Variants in CNTNAP2 observed in about 807,000 individuals in gnomAD.
CNTNAP2 encodes contactin-associated protein-like 2.
In CNTNAP2, 98 loss-of-function variants were observed where a neutral mutation model predicts 155.2. That is an observed-to-expected ratio of 0.63 (90% CI 0.54 to 0.75). The LOEUF (loss-of-function observed/expected upper bound fraction) is 0.75, where lower values mean the gene tolerates loss of function less well. Ranked by LOEUF, CNTNAP2 falls within the 30% of genes least tolerant of loss-of-function variation. CNTNAP2 has a pLI of 0.00. For synonymous variants in CNTNAP2, 651 were observed against 631.2 expected (o/e 1.03, Z -0.47); for missense variants, 1,727 against 1,688.1 (o/e 1.02, Z -0.40).
At chr7:148,298,241 A>G (rs1182143800) in intron 21 of CNTNAP2, among the ~76,000 whole-genome samples, 1 of 152,076 alleles carries the variant, frequency 6.6e-6, no homozygotes, top group East Asian at 1.9e-4. Flanking sequence ...TGGGGAGGAG[A>G]GTAGAAGCTA....
At chr7:147,955,830 A>T (rs543167269) in intron 14 of CNTNAP2, among the ~76,000 whole-genome samples, 1 of 152,328 alleles carries the variant, frequency 6.6e-6, no homozygotes, top group East Asian at 1.9e-4. Context: ...AGAACAAAAC[A>T]AGAATGCATG....
At chr7:146,826,023 C>T (rs568841508) in intron 2 of CNTNAP2, among the ~76,000 whole-genome samples, 17 of 151,988 alleles carry the variant, frequency 1.1e-4, no homozygotes, top group African/African-American at 3.9e-4. Flanking sequence ...TTCTTTTTTG[C>T]TATTCTGCAT....
chr7:148,081,454 G>A (rs917110588), intron 15 of CNTNAP2, among the ~76,000 whole-genome samples: 4 of 151,868 alleles, frequency 2.6e-5, no homozygotes, highest in Admixed American at 6.6e-5. Flanking sequence ...TATAAAGCAG[G>A]CAGAAAAACC....
intron 15 of CNTNAP2, among the ~76,000 whole-genome samples, chr7:148,099,895 C>T (rs1283379012): frequency 3.0e-5 from 3 of 99,818 alleles, no homozygotes; most frequent in Middle Eastern, 0.01. Flanking sequence ...TTTTTTGAGA[C>T]GGAGTCTCAC....
chr7:146,557,397 A>G (rs957581637), intron 1 of CNTNAP2, among the ~76,000 whole-genome samples: 10 of 152,104 alleles, frequency 6.6e-5, no homozygotes, highest in Admixed American at 4.6e-4. Context: ...GGAAGGAAAC[A>G]TAGCAGGTGA....
chr7:146,863,405 T>C (rs938622143), intron 3 of CNTNAP2, among the ~76,000 whole-genome samples: 1 of 152,144 alleles, frequency 6.6e-6, no homozygotes, highest in Non-Finnish European at 1.5e-5. Flanking sequence ...CTGATAATTA[T>C]CCAAGATAAG....
At chr7:148,224,533 C>A (rs565190454) in intron 19 of CNTNAP2, among the ~76,000 whole-genome samples, 1 of 152,020 alleles carries the variant, frequency 6.6e-6, no homozygotes. Flanking sequence ...GCATTGCAAC[C>A]GCTATTTGGA....
intron 2 of CNTNAP2, among the ~76,000 whole-genome samples, chr7:146,813,648 A>C (rs554533738): frequency 6.6e-6 from 1 of 152,292 alleles, no homozygotes; most frequent in African/African-American, 2.4e-5. Flanking sequence ...TAATGCTGGA[A>C]TGAGTTAAGA....
intron 11 of CNTNAP2, among the ~76,000 whole-genome samples, chr7:147,491,142 G>A (rs1401520796): frequency 6.6e-6 from 1 of 152,092 alleles, no homozygotes; most frequent in African/African-American, 2.4e-5. Context: ...TAGGGAATTG[G>A]AATCCATCCT....
chr7:147,142,138 C>T (rs1801610767), intron 8 of CNTNAP2, among the ~76,000 whole-genome samples: 1 of 152,134 alleles, frequency 6.6e-6, no homozygotes, highest in African/African-American at 2.4e-5. Context: ...GAGAGGGTAT[C>T]CCTGTCTTGT....
At chr7:148,329,110 C>A (rs111791117) in intron 21 of CNTNAP2, among the ~76,000 whole-genome samples, 1 of 152,092 alleles carries the variant, frequency 6.6e-6, no homozygotes, top group Non-Finnish European at 1.5e-5. Context: ...GGACTCTGAC[C>A]CCTGGACCAG....
chr7:147,029,596 A>T (rs1297701278), intron 3 of CNTNAP2, among the ~76,000 whole-genome samples: 1 of 152,098 alleles, frequency 6.6e-6, no homozygotes, highest in Non-Finnish European at 1.5e-5. Context: ...ATATATTGGA[A>T]AAAATGGCTT....
At chr7:146,997,237 G>A (rs896434302) in intron 3 of CNTNAP2, among the ~76,000 whole-genome samples, 2 of 151,976 alleles carry the variant, frequency 1.3e-5, no homozygotes, top group African/African-American at 4.8e-5. Flanking sequence ...ATTATGTTGA[G>A]GTATTTGTCT....
At chr7:147,774,990 A>T (rs892206033) in intron 13 of CNTNAP2, among the ~76,000 whole-genome samples, 2 of 151,140 alleles carry the variant, frequency 1.3e-5, no homozygotes, top group African/African-American at 4.9e-5. Flanking sequence ...TACTATGCTG[A>T]CTCTTATACC....
intron 22 of CNTNAP2, among the ~76,000 whole-genome samples, chr7:148,406,850 G>A (rs1799713470): frequency 1.3e-5 from 2 of 152,198 alleles, no homozygotes; most frequent in African/African-American, 4.8e-5. Flanking sequence ...GCAATTTACT[G>A]TAAATGGACA....
chr7:147,308,726 G>A (rs1173323900), intron 9 of CNTNAP2, among the ~76,000 whole-genome samples: 2 of 152,102 alleles, frequency 1.3e-5, no homozygotes, highest in Admixed American at 6.5e-5. Context: ...CAAAATTAAC[G>A]GAACCATGGA....
At chr7:147,799,196 A>T (rs1486374307) in intron 13 of CNTNAP2, among the ~76,000 whole-genome samples, 1 of 152,216 alleles carries the variant, frequency 6.6e-6, no homozygotes, top group Admixed American at 6.5e-5. Context: ...AAAGAATGGT[A>T]GACATTTACT....
chr7:146,396,972 C>T lies in CNTNAP2; in HGVS notation c.97+279999C>T, dbSNP rs1189172749. Among the ~76,000 whole-genome samples the T allele has an allele frequency of 3.3e-5, 5 of 152,202 alleles. No individual in the cohort carries two copies. The East Asian group carries it at 9.7e-4, about 29-fold the overall frequency. ...GCAATTTACTTTTTAGAAGCTTATA[C>T]ATTATGGCATCCTTTGATTAATGCA... On this transcript the variant is annotated intron_variant, in intron 1 of 23. Coordinates refer to ENST00000361727, the MANE Select transcript of CNTNAP2 (RefSeq NM_014141.6).
chr7:147,107,654 A>G (rs1387886486), intron 4 of CNTNAP2, among the ~76,000 whole-genome samples: 1 of 152,052 alleles, frequency 6.6e-6, no homozygotes, highest in African/African-American at 2.4e-5. Flanking sequence ...GTGGTGAAAT[A>G]TAAAAACCAT....
Sources: gnomAD v4.1 joint callset for allele counts (sites outside exome capture counted in the v4.1 genomes callset) on GRCh38, gnomAD v4.1.1 for gene constraint, MANE v1.5 for transcripts, NCBI Gene and HGNC (gene_info 2026-07-23, HGNC 2026-07-21) for gene names.